MGST1: variants seen among roughly 807,000 people sequenced by gnomAD.
MGST1 encodes glutathione S-transferase 12.
Under a neutral mutation model 8.9 loss-of-function variants are expected in MGST1, and 5 were observed. That is an observed-to-expected ratio of 0.56 (90% CI 0.29 to 1.19). MGST1 has a LOEUF of 1.19. Among genes scored for constraint, MGST1 ranks in the 50% most tolerant of loss-of-function variants. The pLI, the probability that MGST1 is intolerant of heterozygous loss-of-function variation, is 0.08. For missense variants in MGST1, 182 were observed against 187.4 expected (o/e 0.97, Z 0.17); for synonymous variants, 54 against 67.8 (o/e 0.80, Z 1.00).
At chr12:16,365,947 A>T (rs1015649438), downstream of MGST1, among the ~76,000 whole-genome samples, 1 of 152,246 alleles carries the variant, frequency 6.6e-6, no homozygotes, top group African/African-American at 2.4e-5. Flanking sequence ...AATCATAAAG[A>T]TTCAGATAAC....
intron 1 of MGST1, among the ~76,000 whole-genome samples, chr12:16,431,200 G>A (rs1420454785): frequency 6.6e-6 from 1 of 152,208 alleles, no homozygotes; most frequent in Non-Finnish European, 1.5e-5. Context: ...TGGCTTCAGG[G>A]GACATTGTAG....
rs1266400893 is a variant in MGST1 at position 16,458,238 on chromosome 12, G to T, written n.482+74634G>T. ...ACCTGCCTCCAAAATAATATGAATG[G>T]ACCCAAACTAAATGACCACTCATTA... On this transcript the variant is annotated intron_variant and non_coding_transcript_variant, in intron 4 of 4. Coordinates refer to the MGST1 transcript ENST00000538857. The surrounding 1 kb of genome is among the most constrained non-coding windows in gnomAD (Gnocchi z 4.0). Among the ~76,000 whole-genome samples the T allele has an allele frequency of 6.6e-6, 1 of 152,008 alleles. No individual in the cohort carries two copies. Among genetic ancestry groups the T allele is most frequent in the Non-Finnish European group, 1.5e-5 (1 of 67,960 alleles).
intron 4 of MGST1, among the ~76,000 whole-genome samples, chr12:16,518,008 G>A (rs558253609): frequency 1.4e-3 from 207 of 152,308 alleles, no homozygotes; most frequent in African/African-American, 5.0e-3. Context: ...TGGTCACACT[G>A]AGGTCTTCAA....
At chr12:16,479,529 C>T (rs1466012174) in intron 4 of MGST1, among the ~76,000 whole-genome samples, 13 of 96,266 alleles carry the variant, frequency 1.4e-4, no homozygotes, top group Non-Finnish European at 1.1e-4. Context: ...CCACTGCGCC[C>T]GGCCTCTTTT....
chr12:16,569,652 A>G (rs866340368), intron 4 of MGST1, among the ~76,000 whole-genome samples: 6 of 152,210 alleles, frequency 3.9e-5, no homozygotes, highest in African/African-American at 4.8e-5. Flanking sequence ...TTGTACCAAC[A>G]TTTCATAGAA....
intron 4 of MGST1, among the ~76,000 whole-genome samples, chr12:16,486,107 G>A (rs968517740): frequency 6.6e-6 from 1 of 152,082 alleles, no homozygotes; most frequent in Admixed American, 6.5e-5. Context: ...GCCCAAATGG[G>A]ACCTCGCTGA....
chr12:16,458,673 T>C lies in MGST1; in HGVS notation n.482+75069T>C, dbSNP rs1019482415. 1.3e-5 allele frequency among the ~76,000 whole-genome samples: 2 copies of C among 152,086 alleles called. No homozygotes were observed. The highest frequency in any genetic ancestry group is 6.6e-5 in the Admixed American group (1 of 15,240). The stretch of plus-strand genomic sequence containing the variant: ...ACATGGAATATCAGTAGGTAGGCAG[T>C]TGAGTATTTATATGAGAGTTATTGT... On this transcript the variant is annotated intron_variant and non_coding_transcript_variant, in intron 4 of 4. Coordinates refer to the MGST1 transcript ENST00000538857. This position sits in a 1 kb window ranked among gnomAD's most constrained non-coding sequence, Gnocchi z 4.0.
At chr12:16,443,099 T>C (rs1941051482), downstream of MGST1, among the ~76,000 whole-genome samples, 1 of 151,834 alleles carries the variant, frequency 6.6e-6, no homozygotes, top group African/African-American at 2.4e-5. Context: ...GACCCTTTTA[T>C]CTCTATGACA....
Position 16,401,684 on chromosome 12 carries a change from G to T in MGST1, n.778+18080G>T. On this transcript the variant is annotated intron_variant and non_coding_transcript_variant, in intron 1 of 1. Coordinates refer to the MGST1 transcript ENST00000359720. This position sits in a 1 kb window ranked among gnomAD's most constrained non-coding sequence, Gnocchi z 4.3. Reference sequence around the variant, plus strand: ...GATTATAGTTGCCACCACTCTGAATGATAGGAGGGTAACACATTTCCACAG... The same window carrying T: ...GATTATAGTTGCCACCACTCTGAATTATAGGAGGGTAACACATTTCCACAG... The T allele has an allele frequency of 6.2e-7, 1 of 1,603,046 alleles. No homozygotes were observed. The highest frequency in any genetic ancestry group is 8.5e-7 in the Non-Finnish European group (1 of 1,169,938).
intron 4 of MGST1, among the ~76,000 whole-genome samples, chr12:16,453,674 G>A (rs1307796915): frequency 6.6e-6 from 1 of 151,882 alleles, no homozygotes; most frequent in African/African-American, 2.4e-5. Flanking sequence ...AGGACAGTGA[G>A]GAAGTGTCTG....
At chr12:16,448,048 C>A (rs1941095801) in intron 4 of MGST1, among the ~76,000 whole-genome samples, 1 of 151,498 alleles carries the variant, frequency 6.6e-6, no homozygotes. Flanking sequence ...AGACACTGTA[C>A]AGGTTGTCGA....
chr12:16,469,484 C>G (rs1267839982), intron 4 of MGST1, among the ~76,000 whole-genome samples: 1 of 152,122 alleles, frequency 6.6e-6, no homozygotes, highest in Non-Finnish European at 1.5e-5. Context: ...CCACCATGCC[C>G]GGCCATAATG....
At chr12:16,523,513 T>C (rs1185198354) in intron 4 of MGST1, among the ~76,000 whole-genome samples, 1 of 152,106 alleles carries the variant, frequency 6.6e-6, no homozygotes, top group Non-Finnish European at 1.5e-5. Flanking sequence ...CTGATGTACA[T>C]ACTCTCACAG....
intron 4 of MGST1, among the ~76,000 whole-genome samples, chr12:16,463,301 C>T (rs1016473339): frequency 1.1e-4 from 17 of 152,258 alleles, no homozygotes; most frequent in East Asian, 7.7e-4. Flanking sequence ...CTCCTTGCCT[C>T]AGCCTCCCAG....
At chr12:16,406,577 A>G (rs1026631426) in intron 1 of MGST1, among the ~76,000 whole-genome samples, 7 of 152,230 alleles carry the variant, frequency 4.6e-5, no homozygotes, top group African/African-American at 1.7e-4. Context: ...TAAAGTTCAT[A>G]TGGAACCAAA....
At chr12:16,457,651 C>A (rs1941186269) in intron 4 of MGST1, among the ~76,000 whole-genome samples, 1 of 151,820 alleles carries the variant, frequency 6.6e-6, no homozygotes, top group Non-Finnish European at 1.5e-5. Flanking sequence ...TTTCTCTAAA[C>A]CTTCATGCTG....
At chr12:16,416,613 TC>T (rs1474551385) in intron 1 of MGST1, among the ~76,000 whole-genome samples, 2 of 152,110 alleles carry the variant, frequency 1.3e-5, no homozygotes, top group Non-Finnish European at 2.9e-5. Context: ...TCATGAGGGC[TC>T]CATCTTTATC....
chr12:16,518,413 A>G (rs1488843486), intron 4 of MGST1, among the ~76,000 whole-genome samples: 1 of 152,204 alleles, frequency 6.6e-6, no homozygotes, highest in Non-Finnish European at 1.5e-5. Flanking sequence ...TAGTTCTCCT[A>G]TCTCTACTTC....
chr12:16,348,356 G>T (rs1939293842), intron 1 of MGST1, among the ~76,000 whole-genome samples: 1 of 152,186 alleles, frequency 6.6e-6, no homozygotes. Context: ...GTTCTCACCT[G>T]TGCCCCACTT....
Sources: gnomAD v4.1 joint callset for allele counts (sites outside exome capture counted in the v4.1 genomes callset) on GRCh38, gnomAD v4.1.1 for gene constraint, Gnocchi (gnomAD v3.1) non-coding constraint, MANE v1.5 for transcripts, NCBI Gene and HGNC (gene_info 2026-07-23, HGNC 2026-07-21) for gene names.